ITPK1: variants seen among roughly 807,000 people sequenced by gnomAD.
ITPK1 encodes the protein inositol-tetrakisphosphate 1-kinase, also known as inositol 1,3,4-trisphosphate 5/6-kinase.
ITPK1 carries 21 observed loss-of-function variants against 45.3 expected under a neutral mutation model. The ratio of observed to expected loss-of-function variants is 0.46; its 90% confidence interval spans 0.33 to 0.67. The LOEUF is 0.67. ITPK1 is among the 30% of genes least tolerant of loss of function. ITPK1 has a pLI of 0.02. For synonymous variants in ITPK1, 258 were observed against 253.6 expected (o/e 1.02, Z -0.16); for missense variants, 474 against 573.5 (o/e 0.83, Z 1.77).
chr14:92,952,316 A>C (rs747096379), intron 8 of ITPK1, among the ~76,000 whole-genome samples: 26 of 152,146 alleles, frequency 1.7e-4, no homozygotes, highest in Admixed American at 1.6e-3. Context: ...TGCTGTCACT[A>C]TACAGGGAAG....
chr14:93,052,727 C>A (rs1406269919), intron 3 of ITPK1, among the ~76,000 whole-genome samples: 1 of 152,180 alleles, frequency 6.6e-6, no homozygotes, highest in African/African-American at 2.4e-5. Context: ...AAACCCAGGT[C>A]CCCAAGGGGC....
At chr14:93,110,183 G>A (rs1297195846) in intron 2 of ITPK1, among the ~76,000 whole-genome samples, 4 of 152,062 alleles carry the variant, frequency 2.6e-5, no homozygotes, top group East Asian at 3.9e-4. Flanking sequence ...ATGTGCACAC[G>A]GACGCTTCCT....
chr14:93,022,515 CTTT>C (rs750617400), intron 3 of ITPK1, among the ~76,000 whole-genome samples: 2 of 137,934 alleles, frequency 1.4e-5, no homozygotes, highest in Non-Finnish European at 1.6e-5. Context: ...AAGACCACAT[CTTT>C]TTTTTTTTTT....
At chr14:93,092,881 G>A (rs1891918538) in intron 2 of ITPK1, among the ~76,000 whole-genome samples, 1 of 152,138 alleles carries the variant, frequency 6.6e-6, no homozygotes, top group Non-Finnish European at 1.5e-5. Context: ...GCTGAAGAGC[G>A]CACTCCCCTG....
intron 2 of ITPK1, among the ~76,000 whole-genome samples, chr14:93,082,784 G>C (rs1891490336): frequency 6.6e-6 from 1 of 152,236 alleles, no homozygotes; most frequent in South Asian, 2.1e-4. Context: ...AGTACAAATG[G>C]CACTGCCTGG....
intron 7 of ITPK1, among the ~76,000 whole-genome samples, chr14:92,960,019 C>T (rs1057245975): frequency 4.6e-5 from 7 of 152,226 alleles, no homozygotes; most frequent in African/African-American, 1.4e-4. Context: ...CTGTGAGAAG[C>T]TTGTCCCCCA....
chr14:93,076,534 G>A lies in ITPK1; in HGVS notation c.120+61C>T. On this transcript the variant is annotated intron_variant, in intron 3 of 10. Transcript: ENST00000267615. This position sits in a 1 kb window ranked among gnomAD's most constrained non-coding sequence, Gnocchi z 4.3. ...ATGCTGGAGGAGAGAAGGAGAGACA[G>A]AGAGGTGGGCACCAAGGGCCCCACT... is the stretch of plus-strand genomic sequence containing the variant. 3 of 1,578,994 alleles carry A rather than the reference G, an allele frequency of 1.9e-6. No individual in the cohort carries two copies. Among genetic ancestry groups the A allele is most frequent in the Non-Finnish European group, 2.6e-6 (3 of 1,148,460 alleles).
At chr14:93,047,769 G>C (rs143677413) in intron 3 of ITPK1, among the ~76,000 whole-genome samples, 1 of 152,202 alleles carries the variant, frequency 6.6e-6, no homozygotes, top group Non-Finnish European at 1.5e-5. Context: ...AATATGATAT[G>C]TATGTGACCC....
intron 3 of ITPK1, among the ~76,000 whole-genome samples, chr14:93,035,171 G>A (rs913191656): frequency 4.6e-5 from 7 of 152,320 alleles, no homozygotes; most frequent in South Asian, 2.1e-4. Flanking sequence ...GTCACATTAC[G>A]TTGCAGACAT....
intron 9 of ITPK1, 123 bp from the exon 10 acceptor site, chr14:92,946,616 A>C (rs1887703519): frequency 2.0e-6 from 2 of 981,152 alleles, no homozygotes; most frequent in East Asian, 5.2e-5. Context: ...GAAGCCAGAC[A>C]GACCTACTGT....
In ITPK1 at chr14:92,938,596, G is replaced by T; in HGVS notation, c.*2965C>A. On this transcript the variant is annotated 3_prime_UTR_variant, in exon 11 of 11. Coordinates refer to ENST00000267615, the MANE Select transcript of ITPK1 (RefSeq NM_014216.6). ...ATTGACAGGCATGAGACACAGGCAG[G>T]CCCAGGCACAGGAAGCCCCATGGAA... 7.6e-7 allele frequency: 1 copy of T among 1,318,076 alleles called. No homozygotes were observed. Among genetic ancestry groups the T allele is most frequent in the Non-Finnish European group, 1.1e-6 (1 of 918,134 alleles). 81.6% of individuals were successfully genotyped at this position (1,318,076 alleles called of 1,614,324 possible).
rs543253684 is a variant in ITPK1, at chr14:93,012,286, A to G, written c.246+4390T>C. ...TACGAACTTCCGAAGGGCATGAAGG[A>G]AAAGTGCAAAGTTGGCAGGGCCTGG... On this transcript the variant is annotated intron_variant, in intron 4 of 10. Transcript: ENST00000267615. This position sits in a 1 kb window ranked among gnomAD's most constrained non-coding sequence, Gnocchi z 4.9. 6.6e-6 allele frequency among the ~76,000 whole-genome samples: 1 copy of G among 152,366 alleles called. No homozygotes were observed. The highest frequency in any genetic ancestry group is 1.5e-5 in the Non-Finnish European group (1 of 68,028).
At chr14:93,028,618 GAC>G (rs1205532265) in intron 3 of ITPK1, among the ~76,000 whole-genome samples, 1 of 152,334 alleles carries the variant, frequency 6.6e-6, no homozygotes, top group Admixed American at 6.5e-5. Flanking sequence ...CATTCCACGA[GAC>G]AGTGTTGGTG....
At chr14:93,068,219 G>A (rs1028363876) in intron 3 of ITPK1, 4 of 152,214 alleles carry the variant, frequency 2.6e-5, no homozygotes, top group Admixed American at 2.0e-4. Context: ...AAGATCCACA[G>A]CCAGGAAACA....
At chr14:92,947,127 C>A (rs1233472455) in intron 9 of ITPK1, among the ~76,000 whole-genome samples, 1 of 152,246 alleles carries the variant, frequency 6.6e-6, no homozygotes, top group Non-Finnish European at 1.5e-5. Flanking sequence ...ATCACAGAGA[C>A]CCCCAAGGAG....
At chr14:93,058,674 C>T (rs117634531) in intron 3 of ITPK1, among the ~76,000 whole-genome samples, 155 of 820 alleles carry the variant, frequency 0.19, 30 homozygotes, top group East Asian at 0.27. Context: ...GGAGGGGGTG[C>T]GGGTTATGAG....
intron 7 of ITPK1, among the ~76,000 whole-genome samples, chr14:92,961,614 G>A (rs937277505): frequency 1.3e-5 from 2 of 152,204 alleles, no homozygotes; most frequent in African/African-American, 4.8e-5. Context: ...GCCCAGCCCG[G>A]TGCCTGCCAC....
chr14:93,103,263 A>C (rs1354260921), intron 2 of ITPK1, among the ~76,000 whole-genome samples: 3 of 151,206 alleles, frequency 2.0e-5, no homozygotes, highest in African/African-American at 7.3e-5. Flanking sequence ...TACTAAAAAT[A>C]CAAAAATTAG....
At chr14:92,955,172 A>T (rs1884632997) in intron 8 of ITPK1, among the ~76,000 whole-genome samples, 1 of 152,266 alleles carries the variant, frequency 6.6e-6, no homozygotes, top group Non-Finnish European at 1.5e-5. Flanking sequence ...GCACTTGTAA[A>T]TAAAGTTTCA....
Sources: allele counts gnomAD v4.1 joint callset (sites outside exome capture counted in the v4.1 genomes callset), GRCh38; gene constraint gnomAD v4.1.1; non-coding constraint Gnocchi (gnomAD v3.1); transcripts MANE v1.5; gene names NCBI Gene and HGNC (gene_info 2026-07-23, HGNC 2026-07-21).